The following SEMA5B variants were observed in gnomAD, a reference collection of about 807,000 sequenced individuals.
The protein encoded by SEMA5B is semaphorin 5B, also known as semaphorin-5B.
A neutral mutation model predicts 135.0 loss-of-function variants in SEMA5B; 66 were observed. The observed-to-expected ratio is 0.49, with a 90% CI of 0.40 to 0.60. The LOEUF (loss-of-function observed/expected upper bound fraction) is 0.60, where lower values mean the gene tolerates loss of function less well. SEMA5B is among the 20% of genes least tolerant of loss of function. The probability of loss-of-function intolerance (pLI) is 0.00; values close to 1 mark genes in which losing one functional copy is unlikely to be tolerated. For synonymous variants in SEMA5B, 690 were observed against 639.5 expected (o/e 1.08, Z -1.19); for missense variants, 1,501 against 1,566.3 (o/e 0.96, Z 0.70).
chr3:122,941,562 A>G (rs1190232464), intron 4 of SEMA5B, among the ~76,000 whole-genome samples: 3 of 152,252 alleles, frequency 2.0e-5, no homozygotes, highest in African/African-American at 4.8e-5. Flanking sequence ...ATTAGATTAA[A>G]TACATGTGTG....
chr3:123,009,086 C>A (rs542154234), intron 1 of SEMA5B, among the ~76,000 whole-genome samples: 2 of 152,136 alleles, frequency 1.3e-5, no homozygotes, highest in Non-Finnish European at 1.5e-5. Context: ...CCGGTGGACC[C>A]GTGGCAGGGC....
intron 5 of SEMA5B, among the ~76,000 whole-genome samples, chr3:122,932,058 C>T (rs1939000365): frequency 6.6e-6 from 1 of 152,130 alleles, no homozygotes; most frequent in African/African-American, 2.4e-5. Context: ...AATGTGAAAA[C>T]ATGTGCATGT....
At position 122,931,046 on chromosome 3, in the gene SEMA5B, T is replaced by A. The variant is rs1424665562; in HGVS notation, c.475-1988A>T. ...TTTTTTGAGACCATTTATTTATTTT[T>A]AATTTATTTCAAAAATTATTTTTAT... is the stretch of plus-strand genomic sequence containing the variant. On this transcript the variant is annotated intron_variant, in intron 5 of 22. Coordinates refer to ENST00000357599, the MANE Select transcript of SEMA5B (RefSeq NM_001031702.4). Among the ~76,000 whole-genome samples the A allele has an allele frequency of 2.6e-5, 4 of 152,230 alleles. No individual in the cohort carries two copies. In the East Asian group the frequency reaches 5.8e-4, roughly 22 times the overall value.
intron 2 of SEMA5B, among the ~76,000 whole-genome samples, chr3:122,952,076 C>A (rs1478073961): frequency 6.6e-6 from 1 of 152,196 alleles, no homozygotes; most frequent in East Asian, 1.9e-4. Flanking sequence ...CCCACAGCAC[C>A]TTTTTGATCC....
chr3:122,919,798 T>A (rs1938259579), intron 12 of SEMA5B, among the ~76,000 whole-genome samples: 1 of 152,194 alleles, frequency 6.6e-6, no homozygotes, highest in South Asian at 2.1e-4. Flanking sequence ...ACTGTACACA[T>A]CAAGGGCTCC....
At chr3:122,961,649 G>A (rs1298767157) in intron 1 of SEMA5B, among the ~76,000 whole-genome samples, 3 of 152,004 alleles carry the variant, frequency 2.0e-5, no homozygotes, top group African/African-American at 7.3e-5. Context: ...TTGTAGATGT[G>A]ATCTCACTAT....
intron 5 of SEMA5B, among the ~76,000 whole-genome samples, chr3:122,935,630 G>A (rs1216215049): frequency 6.7e-6 from 1 of 148,830 alleles, no homozygotes; most frequent in Admixed American, 6.7e-5. Context: ...CCTGTCCACT[G>A]CATCCCTTCT....
intron 1 of SEMA5B, among the ~76,000 whole-genome samples, chr3:122,986,593 T>TTGTGTGTGTGTGTG (rs145873533): frequency 3.3e-4 from 47 of 144,386 alleles, no homozygotes; most frequent in South Asian, 6.8e-4. Context: ...CAGAGCATAT[T>TTGTGTGTGTGTGTG]TGTGTGTGTG....
At chr3:123,026,184 G>A (rs1386497389) in intron 1 of SEMA5B, among the ~76,000 whole-genome samples, 1 of 152,226 alleles carries the variant, frequency 6.6e-6, no homozygotes, top group Non-Finnish European at 1.5e-5. Flanking sequence ...TAGGGCCAGA[G>A]AAGGTAGGAT....
At chr3:122,972,092 C>T (rs1359196905) in intron 1 of SEMA5B, among the ~76,000 whole-genome samples, 1 of 152,174 alleles carries the variant, frequency 6.6e-6, no homozygotes, top group Non-Finnish European at 1.5e-5. Flanking sequence ...TGAGGAGTCC[C>T]TCACTGCTCC....
At chr3:123,021,223 T>A (rs1021814860) in intron 1 of SEMA5B, among the ~76,000 whole-genome samples, 5 of 152,174 alleles carry the variant, frequency 3.3e-5, no homozygotes, top group Non-Finnish European at 7.4e-5. Flanking sequence ...CTAGTGGTAT[T>A]TTCCTCTTCT....
intron 1 of SEMA5B, among the ~76,000 whole-genome samples, chr3:123,001,729 C>T (rs888545157): frequency 2.0e-5 from 3 of 152,150 alleles, no homozygotes; most frequent in African/African-American, 4.8e-5. Context: ...AGCCTCACAG[C>T]GAGTAGCCAG....
intron 7 of SEMA5B, 27 bp from the exon 8 acceptor site, chr3:122,928,030 C>T: frequency 7.0e-7 from 1 of 1,433,254 alleles, no homozygotes; most frequent in Non-Finnish European, 9.2e-7. Flanking sequence ...GAAGGGGACA[C>T]TTTTCCCTGA....
At position 122,915,755 on chromosome 3, in the gene SEMA5B, A is replaced by ATCT. The variant is rs1484806671; in HGVS notation, c.1806+17_1806+18insAGA. On this transcript the variant is annotated intron_variant, in intron 13 of 22. Coordinates refer to ENST00000357599, the MANE Select transcript of SEMA5B (RefSeq NM_001031702.4). ...TGAAGGAGGGGTCTGAGATGGGAGG[A>ATCT]CACAAGGGGATTCTCACAGGACAGG... 1 of 1,611,858 alleles carries ATCT rather than the reference A, an allele frequency of 6.2e-7. No homozygotes were observed. Among genetic ancestry groups the ATCT allele is most frequent in the Admixed American group, 1.7e-5 (1 of 60,004 alleles).
rs1938376685 is a variant in SEMA5B at position 122,922,035 on chromosome 3, C to A, written c.1568G>T (p.Gly523Val). 2 of 1,497,322 alleles carry A rather than the reference C, an allele frequency of 1.3e-6. No homozygotes were observed. Among genetic ancestry groups the A allele is most frequent in the Non-Finnish European group, 8.9e-7 (1 of 1,125,122 alleles). 92.8% of individuals were successfully genotyped at this position (1,497,322 alleles called of 1,614,324 possible). ...YLEELHVLPP[G>V]RREPLRSLRI... Reference sequence around the variant, plus strand: ...CAGGCTGCGCAGGGGCTCGCGGCGCCCGGGGGGCAGCACGTGCAGCTCCTC... The same window carrying A: ...CAGGCTGCGCAGGGGCTCGCGGCGCACGGGGGGCAGCACGTGCAGCTCCTC... Residue 523 changes from glycine (G) to valine (V), a missense_variant, in exon 12 of 23, where the codon GGG becomes GTG. By Grantham distance (109) the Gly-to-Val change is moderately radical. Transcript: ENST00000357599.
chr3:122,964,069 C>A (rs772801399), intron 1 of SEMA5B, among the ~76,000 whole-genome samples: 1 of 152,222 alleles, frequency 6.6e-6, no homozygotes, highest in Non-Finnish European at 1.5e-5. Context: ...GTCTCCATGT[C>A]ATCCAGGCAT....
intron 7 of SEMA5B, 126 bp downstream of exon 7, chr3:122,928,391 T>C (rs1172498372): frequency 4.8e-6 from 3 of 624,442 alleles, no homozygotes; most frequent in African/African-American, 1.8e-5. Context: ...TAACTGGGTG[T>C]CCTTTTGTTT....
intron 1 of SEMA5B, among the ~76,000 whole-genome samples, chr3:123,007,515 G>T (rs1238051256): frequency 1.3e-5 from 2 of 152,184 alleles, no homozygotes; most frequent in Non-Finnish European, 2.9e-5. Context: ...GTTAGAGGTG[G>T]AGCCTTTGAG....
intron 1 of SEMA5B, among the ~76,000 whole-genome samples, chr3:122,997,020 C>T (rs1435190409): frequency 2.6e-5 from 4 of 152,180 alleles, no homozygotes; most frequent in Non-Finnish European, 4.4e-5. Context: ...GAAGGGAAGC[C>T]CCGAAAAGGC....
Sources: allele counts gnomAD v4.1 joint callset (sites outside exome capture counted in the v4.1 genomes callset), GRCh38; gene constraint gnomAD v4.1.1; transcripts MANE v1.5; gene names NCBI Gene and HGNC (gene_info 2026-07-23, HGNC 2026-07-21).